Variants in GRM5 observed in about 807,000 individuals in gnomAD.
The protein encoded by GRM5 is metabotropic glutamate receptor 5.
GRM5 carries 19 observed loss-of-function variants against 83.1 expected under a neutral mutation model. The ratio of observed to expected loss-of-function variants is 0.23; its 90% CI spans 0.16 to 0.34. The LOEUF is 0.34. Ranked by LOEUF, GRM5 falls within the 10% of genes least tolerant of loss-of-function variation. The pLI, the probability that GRM5 is intolerant of heterozygous loss-of-function variation, is 1.00. For synonymous variants in GRM5, 675 were observed against 633.6 expected (o/e 1.07, Z -0.98); for missense variants, 1,160 against 1,588.3 (o/e 0.73, Z 4.58).
intron 2 of GRM5, among the ~76,000 whole-genome samples, chr11:88,966,458 A>G (rs1938965571): frequency 6.6e-6 from 1 of 152,140 alleles, no homozygotes; most frequent in African/African-American, 2.4e-5. Context: ...CTGGCAACCA[A>G]AAATGAGAAA....
At chr11:88,870,218 A>G (rs1424375260) in intron 2 of GRM5, among the ~76,000 whole-genome samples, 1 of 151,602 alleles carries the variant, frequency 6.6e-6, no homozygotes, top group Non-Finnish European at 1.5e-5. Flanking sequence ...TGGGTGAACA[A>G]TGGGAGAAAG....
chr11:89,062,587 G>C (rs1942017180), intron 1 of GRM5, among the ~76,000 whole-genome samples: 1 of 152,194 alleles, frequency 6.6e-6, no homozygotes, highest in Admixed American at 6.5e-5. Context: ...CCCTATCTTG[G>C]TTACTCGATG....
intron 2 of GRM5, among the ~76,000 whole-genome samples, chr11:88,850,590 A>G (rs1358062140): frequency 2.7e-5 from 4 of 150,662 alleles, no homozygotes; most frequent in East Asian, 1.9e-4. Context: ...TGTAGTTTAT[A>G]TAGTATAGAT....
At chr11:89,043,535 T>C (rs1424193007) in intron 2 of GRM5, among the ~76,000 whole-genome samples, 1 of 151,810 alleles carries the variant, frequency 6.6e-6, no homozygotes, top group African/African-American at 2.4e-5. Context: ...TATTCTGTTT[T>C]ATTTCATATT....
At chr11:88,751,072 C>CAAAAAAAAAAAA (rs774458890) in intron 3 of GRM5, among the ~76,000 whole-genome samples, 19 of 47,344 alleles carry the variant, frequency 4.0e-4, no homozygotes, top group Middle Eastern at 0.016. Flanking sequence ...TAGCAGAAGC[C>CAAAAAAAAAAAA]AAAAAAAAAA....
At chr11:88,881,416 G>T (rs1398557734) in intron 2 of GRM5, among the ~76,000 whole-genome samples, 2 of 137,550 alleles carry the variant, frequency 1.5e-5, no homozygotes, top group East Asian at 2.1e-4. Flanking sequence ...AAGTTACTTG[G>T]CAGAGGGCAA....
chr11:88,528,394 C>A (rs1373272409), intron 8 of GRM5, among the ~76,000 whole-genome samples: 2 of 151,942 alleles, frequency 1.3e-5, no homozygotes, highest in East Asian at 3.9e-4. Flanking sequence ...TATTTTTATT[C>A]ATTCACTTAC....
intron 2 of GRM5, among the ~76,000 whole-genome samples, chr11:88,988,678 A>C (rs546371876): frequency 1.3e-5 from 2 of 151,956 alleles, no homozygotes; most frequent in African/African-American, 4.8e-5. Context: ...GAAACCCTAC[A>C]AGCCAGAAGA....
intron 6 of GRM5, among the ~76,000 whole-genome samples, chr11:88,594,829 A>G (rs1019397701): frequency 6.6e-6 from 1 of 152,178 alleles, no homozygotes; most frequent in Admixed American, 6.5e-5. Flanking sequence ...CACCAAGTCC[A>G]ATGGCTCTAG....
chr11:88,680,251 C>T (rs1397222525), intron 3 of GRM5, among the ~76,000 whole-genome samples: 2 of 151,992 alleles, frequency 1.3e-5, no homozygotes, highest in African/African-American at 4.8e-5. Flanking sequence ...CACCCCACAA[C>T]AGGCCCTGGT....
At chr11:88,870,941 A>G (rs1295671019) in intron 2 of GRM5, among the ~76,000 whole-genome samples, 1 of 151,646 alleles carries the variant, frequency 6.6e-6, no homozygotes, top group Non-Finnish European at 1.5e-5. Flanking sequence ...CTCCCACTCA[A>G]TACAAAGAAA....
intron 2 of GRM5, among the ~76,000 whole-genome samples, chr11:88,896,302 A>G (rs980850074): frequency 1.3e-5 from 2 of 151,930 alleles, no homozygotes; most frequent in Non-Finnish European, 2.9e-5. Flanking sequence ...TCCAAAAGGG[A>G]AAGGCATCGT....
At chr11:88,688,609 T>G (rs1234354967) in intron 3 of GRM5, among the ~76,000 whole-genome samples, 1 of 152,174 alleles carries the variant, frequency 6.6e-6, no homozygotes, top group Non-Finnish European at 1.5e-5. Context: ...GCTAGAAATT[T>G]TTTTACTAGT....
intron 2 of GRM5, among the ~76,000 whole-genome samples, chr11:88,895,876 T>G (rs316095): frequency 0.96 from 146,318 of 151,992 alleles, 70,474 homozygotes; most frequent in East Asian, 0.99. Context: ...CACTATGTTA[T>G]GTGCTTGTGA....
chr11:88,929,898 G>A (rs656829), intron 2 of GRM5, among the ~76,000 whole-genome samples: 1 of 151,828 alleles, frequency 6.6e-6, no homozygotes, highest in African/African-American at 2.4e-5. Flanking sequence ...GCACACCAAG[G>A]ATTCTAGTTT....
At chr11:88,735,936 C>A (rs1188926716) in intron 3 of GRM5, among the ~76,000 whole-genome samples, 2 of 151,534 alleles carry the variant, frequency 1.3e-5, no homozygotes, top group Non-Finnish European at 2.9e-5. Context: ...TATGCTGGAG[C>A]AACCATATGG....
chr11:88,898,605 C>A (rs1038125174), intron 2 of GRM5, among the ~76,000 whole-genome samples: 4 of 151,942 alleles, frequency 2.6e-5, no homozygotes, highest in African/African-American at 7.2e-5. Context: ...TATACGGTCA[C>A]CCTGTTATCC....
rs1236413436 is a variant in GRM5 at position 88,651,120 on chromosome 11, C to T, written c.1147+2048G>A. ...CATGAGAGATAGAGAGCTACAGCAG[C>T]AAGGTCAAGGGAGGATTTTACAGAA... On this transcript the variant is annotated intron_variant, in intron 4 of 9. Coordinates refer to ENST00000305447, the MANE Select transcript of GRM5 (RefSeq NM_001143831.3). 3.3e-5 allele frequency among the ~76,000 whole-genome samples: 5 copies of T among 151,882 alleles called. No homozygotes were observed. The South Asian group carries it at 6.2e-4, about 19-fold the overall frequency.
intron 1 of GRM5, among the ~76,000 whole-genome samples, chr11:89,065,154 C>G (rs978389623): frequency 6.6e-6 from 1 of 151,612 alleles, no homozygotes; most frequent in African/African-American, 2.4e-5. Context: ...AGTCGGGTCC[C>G]TTCTTTGCTG....
Sources: allele counts gnomAD v4.1 joint callset (sites outside exome capture counted in the v4.1 genomes callset), GRCh38; gene constraint gnomAD v4.1.1; transcripts MANE v1.5; gene names NCBI Gene and HGNC (gene_info 2026-07-23, HGNC 2026-07-21).